The following FBH1 variants were observed in gnomAD, a reference collection of about 807,000 sequenced individuals.
The protein encoded by FBH1 is DNA 3'-5' helicase 1.
Under a neutral mutation model 115.5 loss-of-function variants are expected in FBH1, and 43 were observed. The ratio of observed to expected loss-of-function variants is 0.37; its 90% CI spans 0.29 to 0.48. The LOEUF (loss-of-function observed/expected upper bound fraction) is 0.48, where lower values mean the gene tolerates loss of function less well. Ranked by LOEUF, FBH1 falls within the 20% of genes least tolerant of loss-of-function variation. The probability of loss-of-function intolerance (pLI) is 0.99; values close to 1 mark genes in which losing one functional copy is unlikely to be tolerated. For synonymous variants in FBH1, 524 were observed against 507.8 expected, an observed-to-expected ratio of 1.03 and a Z score of -0.43; for missense variants, 1,001 against 1,337.3, an observed-to-expected ratio of 0.75 and a Z score of 3.92.
At chr10:5,891,887 C>T (rs996185701) in intron 1 of FBH1, among the ~76,000 whole-genome samples, 1 of 152,354 alleles carries the variant, frequency 6.6e-6, no homozygotes, top group African/African-American at 2.4e-5. Context: ...GCTGGGATTA[C>T]AGGCGTGAGC....
chr10:5,912,862 A>G (rs547763990), intron 6 of FBH1, among the ~76,000 whole-genome samples: 15 of 152,208 alleles, frequency 9.9e-5, no homozygotes, highest in Admixed American at 3.3e-4. Context: ...CCATGGCAGT[A>G]TGTATGTTGA....
rs1193226311 is a variant in FBH1, at chr10:5,935,582, T to C, written c.2830-874T>C. 6.6e-6 allele frequency: 1 copy of C among 152,234 alleles called. No homozygotes were observed. Among genetic ancestry groups the C allele is most frequent in the East Asian group, 1.9e-4 (1 of 5,204 alleles). 9.4% of individuals were successfully genotyped at this position (152,234 alleles called of 1,614,324 possible). On this transcript the variant is annotated intron_variant, in intron 19 of 20. Coordinates refer to ENST00000362091, the MANE Select transcript of FBH1 (RefSeq NM_178150.3). The surrounding 1 kb of genome is among the most constrained non-coding windows in gnomAD (Gnocchi z 5.2). The stretch of plus-strand genomic sequence containing the variant: ...TTTCACCTCGTCAGCTGTTAGTACT[T>C]GTTGGCCATAACTGGAGTGTTTGCC...
chr10:5,915,318 T>G lies in FBH1; in HGVS notation c.1397-85T>G, dbSNP rs1831857777. ...TCCTGCTCTCAAGACAGAGGTGTGA[T>G]AAGCCTGGACAAGGCCTGATTGGGG... On this transcript the variant is annotated intron_variant, in intron 8 of 20. Transcript: ENST00000362091. The surrounding 1 kb of genome is among the most constrained non-coding windows in gnomAD (Gnocchi z 5.2). The G allele has an allele frequency of 1.1e-5, 15 of 1,424,570 alleles. No individual in the cohort carries two copies. The highest frequency in any genetic ancestry group is 2.9e-6 in the Non-Finnish European group (3 of 1,037,244). The allele number at this position is 1,424,570 out of a possible 1,614,324, so 88.2% of individuals were successfully genotyped here.
chr10:5,908,340 T>A (rs1024500216), intron 3 of FBH1, among the ~76,000 whole-genome samples: 2 of 152,222 alleles, frequency 1.3e-5, no homozygotes, highest in African/African-American at 4.8e-5. Context: ...GCCACAGCTC[T>A]CATATTATTT....
intron 1 of FBH1, among the ~76,000 whole-genome samples, chr10:5,896,102 G>C (rs1338437642): frequency 6.6e-6 from 1 of 152,200 alleles, no homozygotes; most frequent in East Asian, 1.9e-4. Context: ...AGTGTCTCTT[G>C]TTTCCCCCTT....
At chr10:5,907,807 G>T (rs1468539866) in intron 3 of FBH1, among the ~76,000 whole-genome samples, 1 of 152,146 alleles carries the variant, frequency 6.6e-6, no homozygotes, top group East Asian at 1.9e-4. Flanking sequence ...TATATTTGTG[G>T]ATTTTTCAGT....
rs2132135603 is a variant in FBH1, at chr10:5,933,716, C to T, written c.2830-2740C>T. ...GGAGGGCAGTGGTGTGATCTTGGCT[C>T]ACCGCAACCTCGGCCTCCTGGGTTC... On this transcript the variant is annotated intron_variant, in intron 19 of 20. Transcript: ENST00000362091. This position sits in a 1 kb window ranked among gnomAD's most constrained non-coding sequence, Gnocchi z 4.9. 6.6e-6 allele frequency among the ~76,000 whole-genome samples: 1 copy of T among 151,840 alleles called. No individual in the cohort carries two copies. The highest frequency in any genetic ancestry group is 1.9e-4 in the East Asian group (1 of 5,168).
chr10:5,902,639 G>A (rs1290111160), intron 1 of FBH1, among the ~76,000 whole-genome samples: 1 of 152,086 alleles, frequency 6.6e-6, no homozygotes, highest in African/African-American at 2.4e-5. Context: ...GCTAATTTTT[G>A]TATTTTTAGT....
rs1036903334 is a variant in FBH1 at position 5,913,478 on chromosome 10, G to T, written c.1212-269G>T. On this transcript the variant is annotated intron_variant, in intron 6 of 20. Coordinates refer to ENST00000362091, the MANE Select transcript of FBH1 (RefSeq NM_178150.3). This position sits in a 1 kb window ranked among gnomAD's most constrained non-coding sequence, Gnocchi z 4.4. ...TGTTTGTCTCTTCAAGTCACAGCTG[G>T]CGCCCCTCATTCCCTGAAGAGCCCG... is the stretch of plus-strand genomic sequence containing the variant. Among the ~76,000 whole-genome samples, 1 of 152,054 alleles carries T rather than the reference G, an allele frequency of 6.6e-6. No individual in the cohort carries two copies. Among genetic ancestry groups the T allele is most frequent in the Non-Finnish European group, 1.5e-5 (1 of 68,024 alleles).
intron 2 of FBH1, among the ~76,000 whole-genome samples, chr10:5,903,953 C>A (rs1207961489): frequency 6.6e-6 from 1 of 152,162 alleles, no homozygotes; most frequent in Non-Finnish European, 1.5e-5. Flanking sequence ...CTGGAATGTC[C>A]CCACTATGTA....
intron 9 of FBH1, 149 bp from the exon 10 acceptor site, chr10:5,916,085 T>C (rs1022391561): frequency 8.8e-6 from 6 of 684,112 alleles, no homozygotes; most frequent in East Asian, 8.1e-5. Flanking sequence ...ACATGGACCA[T>C]GCAGAACTTT....
At position 5,917,501 on chromosome 10, in the gene FBH1, CAT is replaced by C; in HGVS notation, c.1871_1872del (p.His624ArgfsTer18). 1 of 1,614,222 alleles carries C rather than the reference CAT, an allele frequency of 6.2e-7. No individual in the cohort carries two copies. Among genetic ancestry groups the C allele is most frequent in the Non-Finnish European group, 8.5e-7 (1 of 1,180,028 alleles). On this transcript the variant is annotated frameshift_variant, in exon 11 of 21. Coordinates refer to ENST00000362091, the MANE Select transcript of FBH1 (RefSeq NM_178150.3). LOFTEE classifies it high-confidence loss of function. The surrounding 1 kb of genome is among the most constrained non-coding windows in gnomAD (Gnocchi z 5.6). ...CACAGAAGAGGCGCACCAGATGACT[CAT>C]GACGGTAGGCGGCTGCCGAATGGCG... is the stretch of plus-strand genomic sequence containing the variant. ...ECTEEAHQMT[H>X]DGYLKLWQLS...
chr10:5,893,482 G>A (rs1450021079), intron 1 of FBH1, among the ~76,000 whole-genome samples: 3 of 152,044 alleles, frequency 2.0e-5, no homozygotes, highest in Non-Finnish European at 4.4e-5. Context: ...TCCTCATCAG[G>A]GAACCTCTTG....
intron 19 of FBH1, among the ~76,000 whole-genome samples, chr10:5,929,027 T>C (rs1425516437): frequency 6.6e-6 from 1 of 152,182 alleles, no homozygotes. Context: ...GTCACCACTT[T>C]TGAGTAAATG....
intron 1 of FBH1, 83 bp downstream of exon 1, chr10:5,890,429 G>C: frequency 1.1e-5 from 4 of 352,584 alleles, no homozygotes. Flanking sequence ...CCTGCGCGGG[G>C]GGTCCGGGCC....
Position 5,924,221 on chromosome 10 carries a change from T to G in FBH1, c.2399-90T>G. 1.5e-6 allele frequency: 2 copies of G among 1,306,906 alleles called. No individual in the cohort carries two copies. Among genetic ancestry groups the G allele is most frequent in the Non-Finnish European group, 2.2e-6 (2 of 923,708 alleles). 81.0% of individuals were successfully genotyped at this position (1,306,906 alleles called of 1,614,324 possible). On this transcript the variant is annotated intron_variant, in intron 16 of 20. Transcript: ENST00000362091. The surrounding 1 kb of genome is among the most constrained non-coding windows in gnomAD (Gnocchi z 6.2). ...GTCTCCCCACTTTAAGACCATCTGC[T>G]CTTGCGCAGCTGCTTAGGAACGTGC...
Position 5,903,039 on chromosome 10 carries a change from G to A in FBH1, c.21G>A (p.Lys7=). The A allele has an allele frequency of 6.2e-7, 1 of 1,612,308 alleles. No homozygotes were observed. The change falls in exon 2 of 21, where the codon AAG becomes AAA. Residue 7 remains lysine (K), a synonymous_variant. Transcript: ENST00000362091. The stretch of plus-strand genomic sequence containing the variant: ...AAACAGTGAGACGGTTTAAGCGGAA[G>A]CATCTTACTGCCATTGACTGCCAGC... MRRFKR[K]HLTAIDCQHL...
rs1843309030 is a variant in FBH1, at chr10:5,900,953, TG to T, written c.2-2064del. Among the ~76,000 whole-genome samples the T allele has an allele frequency of 6.6e-6, 1 of 151,914 alleles. No homozygotes were observed. Among genetic ancestry groups the T allele is most frequent in the Non-Finnish European group, 1.5e-5 (1 of 67,980 alleles). The stretch of plus-strand genomic sequence containing the variant: ...CTCTACTAAAGATACAAAAGTTAGC[TG>T]GGTGTGGTGGAGGGGGCCTGTAGTC... On this transcript the variant is annotated intron_variant, in intron 1 of 20. Coordinates refer to ENST00000362091, the MANE Select transcript of FBH1 (RefSeq NM_178150.3). This position sits in a 1 kb window ranked among gnomAD's most constrained non-coding sequence, Gnocchi z 4.2.
At position 5,906,627 on chromosome 10, in the gene FBH1, C is replaced by A; in HGVS notation, c.748C>A (p.Pro250Thr). The A allele has an allele frequency of 6.2e-7, 1 of 1,602,352 alleles. No individual in the cohort carries two copies. Among genetic ancestry groups the A allele is most frequent in the South Asian group, 1.1e-5 (1 of 90,836 alleles). The change falls in exon 3 of 21, where the codon CCG becomes ACG. Residue 250 changes from proline to threonine, a missense_variant. By Grantham distance (38) the Pro-to-Thr change is conservative (BLOSUM62 -1). Coordinates refer to ENST00000362091, the MANE Select transcript of FBH1 (RefSeq NM_178150.3). The surrounding 1 kb of genome is among the most constrained non-coding windows in gnomAD (Gnocchi z 7.3). ...CHLWREIISD[P>T]LFIPWKKLYH... ...CTTGTGGAGGGAGATCATCAGTGAC[C>A]CGCTGGTGAGTGAGTGCTGGAGTCG...
Sources: gnomAD v4.1 joint callset for allele counts (sites outside exome capture counted in the v4.1 genomes callset) on GRCh38, gnomAD v4.1.1 for gene constraint, Gnocchi (gnomAD v3.1) non-coding constraint, MANE v1.5 for transcripts, NCBI Gene and HGNC (gene_info 2026-07-23, HGNC 2026-07-21) for gene names.